The following FAM184A variants were observed in gnomAD, a reference collection of about 807,000 sequenced individuals.
The protein encoded by FAM184A is family with sequence similarity 184 member A.
A neutral mutation model predicts 143.8 loss-of-function variants in FAM184A; 99 were observed. That is an observed-to-expected ratio of 0.69 (90% CI 0.58 to 0.81). The LOEUF (loss-of-function observed/expected upper bound fraction) is 0.81, where lower values mean the gene tolerates loss of function less well. Among genes scored for constraint, FAM184A ranks in the 40% least tolerant of loss-of-function variants. The probability of loss-of-function intolerance (pLI) is 0.00; values close to 1 mark genes in which losing one functional copy is unlikely to be tolerated. For synonymous variants in FAM184A, 427 were observed against 446.4 expected, an observed-to-expected ratio of 0.96 and a Z score of 0.55; for missense variants, 1,217 against 1,310.5, an observed-to-expected ratio of 0.93 and a Z score of 1.10.
At chr6:119,074,769 A>T (rs1002570962) in intron 1 of FAM184A, among the ~76,000 whole-genome samples, 1 of 152,224 alleles carries the variant, frequency 6.6e-6, no homozygotes, top group Admixed American at 6.5e-5. Context: ...AGCCATTAAC[A>T]TTTGCAGAAA....
intron 1 of FAM184A, among the ~76,000 whole-genome samples, chr6:119,035,015 C>T (rs1786056209): frequency 6.6e-6 from 1 of 152,178 alleles, no homozygotes; most frequent in African/African-American, 2.4e-5. Flanking sequence ...CTGTGGACCA[C>T]ATGTCCTTTC....
At chr6:119,112,889 C>T (rs1032554176) in intron 1 of FAM184A, among the ~76,000 whole-genome samples, 3 of 152,190 alleles carry the variant, frequency 2.0e-5, no homozygotes, top group Non-Finnish European at 4.4e-5. Flanking sequence ...ATAAAGGATG[C>T]CTTCTGCGAA....
At chr6:119,076,479 T>C (rs1364734467) in intron 1 of FAM184A, among the ~76,000 whole-genome samples, 2 of 152,152 alleles carry the variant, frequency 1.3e-5, no homozygotes, top group African/African-American at 2.4e-5. Flanking sequence ...TCAATACACC[T>C]ACGTTTACCA....
At chr6:119,126,846 G>A (rs1039913688) in intron 1 of FAM184A, among the ~76,000 whole-genome samples, 3 of 152,304 alleles carry the variant, frequency 2.0e-5, no homozygotes, top group African/African-American at 7.2e-5. Flanking sequence ...GCTCTCAGCA[G>A]GAAGGGGAGC....
chr6:119,035,631 A>T (rs550200745), intron 1 of FAM184A, among the ~76,000 whole-genome samples: 68 of 152,278 alleles, frequency 4.5e-4, no homozygotes, highest in African/African-American at 1.6e-3. Context: ...AGGTCTGATA[A>T]GAGCTCTGAA....
In FAM184A at chr6:119,015,692, C is replaced by T. The variant is rs142628846; in HGVS notation, c.1530+1055G>A. On this transcript the variant is annotated intron_variant, in intron 5 of 17. Transcript: ENST00000338891. Reference sequence around the variant, plus strand: ...ACGGCGCCCAGTCCCATCGACCGCCCAAGGGCTGAGGAGTGCGAGCACATG... The same window carrying T: ...ACGGCGCCCAGTCCCATCGACCGCCTAAGGGCTGAGGAGTGCGAGCACATG... Among the ~76,000 whole-genome samples, 1,141 of 152,364 alleles carry T rather than the reference C, an allele frequency of 7.5e-3. 7 individuals carry two copies. Among genetic ancestry groups the T allele is most frequent in the Admixed American group, 0.026 (394 of 15,310 alleles).
Position 118,961,921 on chromosome 6 carries a change from T to C in FAM184A, c.3181A>G (p.Ser1061Gly), listed in dbSNP as rs754115785. ...NDKSPTNRFV[S>G]VPNLSALESG... is the part of the protein sequence containing the mutation. ...TCCAGAGCACTTAGATTGGGAACAC[T>C]CACAAACCTGTTTGTTGGTGATTTA... The change falls in exon 17 of 18, where the codon AGT (serine) becomes GGT (glycine). Residue 1061 changes from serine to glycine, a missense_variant. Physicochemically the swap from Ser to Gly is moderately conservative, Grantham distance 56. Coordinates refer to ENST00000338891, the MANE Select transcript of FAM184A (RefSeq NM_024581.6). The C allele has an allele frequency of 1.9e-6, 3 of 1,613,926 alleles. No individual in the cohort carries two copies. In the Admixed American group the frequency reaches 5.0e-5, roughly 27 times the overall value.
intron 1 of FAM184A, among the ~76,000 whole-genome samples, chr6:119,063,350 C>T (rs753595126): frequency 3.3e-5 from 5 of 152,230 alleles, no homozygotes; most frequent in Middle Eastern, 6.8e-3. Flanking sequence ...CATTCTAAGA[C>T]GATATATTCC....
chr6:119,108,516 G>A (rs1339534838), intron 1 of FAM184A, among the ~76,000 whole-genome samples: 1 of 152,076 alleles, frequency 6.6e-6, no homozygotes, highest in Non-Finnish European at 1.5e-5. Context: ...CCATGATGGT[G>A]TACTGGGGTT....
chr6:119,075,148 A>G (rs1787827207), intron 1 of FAM184A, among the ~76,000 whole-genome samples: 1 of 152,250 alleles, frequency 6.6e-6, no homozygotes, highest in Non-Finnish European at 1.5e-5. Context: ...TTTTCAGAAC[A>G]TTCTACCACA....
intron 14 of FAM184A, among the ~76,000 whole-genome samples, chr6:118,969,653 T>G (rs1783610179): frequency 6.6e-6 from 1 of 151,928 alleles, no homozygotes; most frequent in African/African-American, 2.4e-5. Context: ...GGTGATACAG[T>G]TTTGTTTTGT....
chr6:119,094,047 C>T (rs1788443185), intron 1 of FAM184A, among the ~76,000 whole-genome samples: 1 of 131,652 alleles, frequency 7.6e-6, no homozygotes, highest in Admixed American at 8.3e-5. Context: ...TTCCTTCCTT[C>T]CTTCCTTCTT....
intron 1 of FAM184A, among the ~76,000 whole-genome samples, chr6:119,061,638 C>T (rs554544489): frequency 3.1e-4 from 45 of 146,178 alleles, no homozygotes; most frequent in Non-Finnish European, 1.9e-4. Context: ...ACCTATGGGC[C>T]ACCACACCTA....
At chr6:119,103,936 A>G (rs1297678848) in intron 1 of FAM184A, among the ~76,000 whole-genome samples, 4 of 123,328 alleles carry the variant, frequency 3.2e-5, no homozygotes, top group Non-Finnish European at 6.4e-5. Flanking sequence ...GAGAAAAAAA[A>G]AAAAAAAAAA....
chr6:119,135,165 G>A (rs74574199), intron 1 of FAM184A, among the ~76,000 whole-genome samples: 3,825 of 152,214 alleles, frequency 0.025, 116 homozygotes, highest in African/African-American at 0.074. Flanking sequence ...CAAAACGAAT[G>A]AACTACAGGT....
intron 11 of FAM184A, 36 bp downstream of exon 11, chr6:118,979,329 T>C (rs746357791): frequency 7.7e-6 from 12 of 1,549,024 alleles, no homozygotes; most frequent in Non-Finnish European, 1.0e-5. Flanking sequence ...AAAATGTACA[T>C]ATGAATATGA....
chr6:119,073,023 A>T (rs1332256134), intron 1 of FAM184A, among the ~76,000 whole-genome samples: 1 of 152,346 alleles, frequency 6.6e-6, no homozygotes, highest in African/African-American at 2.4e-5. Context: ...GTTACATGTA[A>T]TAAAAGATAC....
intron 1 of FAM184A, among the ~76,000 whole-genome samples, chr6:119,101,775 G>A (rs1225574176): frequency 1.3e-5 from 2 of 152,180 alleles, no homozygotes; most frequent in South Asian, 2.1e-4. Context: ...TAAAGGATAG[G>A]CTGGGTGCGG....
At chr6:119,011,983 T>A (rs1309897084) in intron 5 of FAM184A, among the ~76,000 whole-genome samples, 1 of 152,306 alleles carries the variant, frequency 6.6e-6, no homozygotes, top group African/African-American at 2.4e-5. Context: ...AATAAGCTCA[T>A]GGTATCAAAC....
Sources: gnomAD v4.1 joint callset for allele counts (sites outside exome capture counted in the v4.1 genomes callset) on GRCh38, gnomAD v4.1.1 for gene constraint, MANE v1.5 for transcripts, NCBI Gene and HGNC (gene_info 2026-07-23, HGNC 2026-07-21) for gene names.